The following CNTNAP2 variants were observed in gnomAD, a reference collection of about 807,000 sequenced individuals.
CNTNAP2 encodes contactin-associated protein-like 2.
A neutral mutation model predicts 155.2 loss-of-function variants in CNTNAP2; 98 were observed. The ratio of observed to expected loss-of-function variants is 0.63; its 90% confidence interval spans 0.54 to 0.75. CNTNAP2 has a LOEUF of 0.75. Ranked by LOEUF, CNTNAP2 falls within the 30% of genes least tolerant of loss-of-function variation. The probability of loss-of-function intolerance (pLI) is 0.00; values close to 1 mark genes in which losing one functional copy is unlikely to be tolerated. For synonymous variants in CNTNAP2, 651 were observed against 631.2 expected, an observed-to-expected ratio of 1.03 and a Z score of -0.47; for missense variants, 1,727 against 1,688.1, an observed-to-expected ratio of 1.02 and a Z score of -0.40.
At chr7:148,144,519 A>T (rs1859538) in intron 16 of CNTNAP2, among the ~76,000 whole-genome samples, 1 of 152,112 alleles carries the variant, frequency 6.6e-6, no homozygotes, top group African/African-American at 2.4e-5. Flanking sequence ...TTCTGCCAGC[A>T]TCATCAGACT....
intron 13 of CNTNAP2, among the ~76,000 whole-genome samples, chr7:147,807,184 A>G (rs1475267409): frequency 6.6e-6 from 1 of 151,842 alleles, no homozygotes; most frequent in African/African-American, 2.4e-5. Context: ...TTAGCTTGGC[A>G]TGAGGGTGTA....
intron 8 of CNTNAP2, among the ~76,000 whole-genome samples, chr7:147,295,918 T>G (rs1805433703): frequency 1.3e-5 from 2 of 152,182 alleles, no homozygotes; most frequent in African/African-American, 4.8e-5. Context: ...GGTTCTAATT[T>G]CTCTAGTAAT....
In CNTNAP2 at chr7:147,442,499, T is replaced by A. The variant is rs142740346; in HGVS notation, c.1671-43436T>A. Reference sequence around the variant, plus strand: ...TCCAAGAGCCCATTTTGTGCCCTACTCTCCTGTGGCTGAGCTGGTACCTAA... The same window carrying A: ...TCCAAGAGCCCATTTTGTGCCCTACACTCCTGTGGCTGAGCTGGTACCTAA... On this transcript the variant is annotated intron_variant, in intron 10 of 23. Transcript: ENST00000361727. Among the ~76,000 whole-genome samples, 914 of 152,252 alleles carry A rather than the reference T, an allele frequency of 6.0e-3. 5 individuals carry two copies. The highest frequency in any genetic ancestry group is 0.01 in the Middle Eastern group (3 of 294).
intron 3 of CNTNAP2, among the ~76,000 whole-genome samples, chr7:146,848,632 G>T (rs1415801539): frequency 1.3e-5 from 2 of 152,158 alleles, no homozygotes; most frequent in Admixed American, 1.3e-4. Flanking sequence ...TAGGTAAGGA[G>T]TTGGTCACTC....
intron 13 of CNTNAP2, among the ~76,000 whole-genome samples, chr7:147,856,390 T>C (rs987726997): frequency 6.6e-6 from 1 of 152,202 alleles, no homozygotes; most frequent in African/African-American, 2.4e-5. Context: ...CCTTCTCATA[T>C]CATAACTCAC....
intron 9 of CNTNAP2, among the ~76,000 whole-genome samples, chr7:147,327,166 G>T (rs1189261735): frequency 6.6e-6 from 1 of 152,192 alleles, no homozygotes; most frequent in Non-Finnish European, 1.5e-5. Context: ...GCCCACAACA[G>T]AAATATTCAT....
At chr7:146,432,248 CTTAA>C (rs1164605520) in intron 1 of CNTNAP2, among the ~76,000 whole-genome samples, 2 of 151,918 alleles carry the variant, frequency 1.3e-5, no homozygotes, top group Non-Finnish European at 2.9e-5. Flanking sequence ...TTAAATAATT[CTTAA>C]TTAAAGAGGA....
chr7:147,238,056 C>T (rs1239522661), intron 8 of CNTNAP2, among the ~76,000 whole-genome samples: 4 of 152,158 alleles, frequency 2.6e-5, no homozygotes, highest in Non-Finnish European at 5.9e-5. Context: ...GCTCTGTCGC[C>T]CAGGCTGGAG....
chr7:147,739,429 A>T (rs1796918777), intron 13 of CNTNAP2, among the ~76,000 whole-genome samples: 1 of 152,178 alleles, frequency 6.6e-6, no homozygotes, highest in African/African-American at 2.4e-5. Context: ...GTAGAAAAAT[A>T]AGATATAAGC....
chr7:147,365,324 G>A (rs930662605), intron 9 of CNTNAP2, among the ~76,000 whole-genome samples: 8 of 138,384 alleles, frequency 5.8e-5, no homozygotes, highest in African/African-American at 2.2e-4. Flanking sequence ...GCAGTGAGAC[G>A]AGACCAGGCC....
chr7:147,849,116 C>T (rs746763607), intron 13 of CNTNAP2, among the ~76,000 whole-genome samples: 3 of 152,154 alleles, frequency 2.0e-5, no homozygotes, highest in Admixed American at 6.5e-5. Flanking sequence ...GGAAAAATGG[C>T]ATAAAACAGC....
intron 3 of CNTNAP2, among the ~76,000 whole-genome samples, chr7:146,880,903 A>G (rs1448271424): frequency 6.6e-6 from 1 of 152,134 alleles, no homozygotes; most frequent in Non-Finnish European, 1.5e-5. Flanking sequence ...GTCTTCAGAG[A>G]TGTGTTTGCA....
intron 13 of CNTNAP2, among the ~76,000 whole-genome samples, chr7:147,809,372 GC>G (rs1408654651): frequency 6.6e-6 from 1 of 152,156 alleles, no homozygotes; most frequent in Non-Finnish European, 1.5e-5. Context: ...GGGCACTAGT[GC>G]TAATCCTCAC....
At chr7:146,964,453 C>T (rs376265857) in intron 3 of CNTNAP2, among the ~76,000 whole-genome samples, 1 of 152,162 alleles carries the variant, frequency 6.6e-6, no homozygotes, top group African/African-American at 2.4e-5. Flanking sequence ...CTGTGTTCAG[C>T]TCCTTAACAC....
At chr7:148,119,432 T>C (rs1804553368) in intron 16 of CNTNAP2, among the ~76,000 whole-genome samples, 1 of 151,626 alleles carries the variant, frequency 6.6e-6, no homozygotes, top group Admixed American at 6.6e-5. Flanking sequence ...CTTGGGAGGC[T>C]GAGGCAGGAG....
chr7:148,245,135 G>A (rs1359167476), intron 20 of CNTNAP2, among the ~76,000 whole-genome samples: 1 of 152,134 alleles, frequency 6.6e-6, no homozygotes, highest in Non-Finnish European at 1.5e-5. Flanking sequence ...GTTGTCTTGT[G>A]CATTTCCTGT....
At chr7:147,448,052 A>G (rs931094459) in intron 10 of CNTNAP2, among the ~76,000 whole-genome samples, 1 of 152,122 alleles carries the variant, frequency 6.6e-6, no homozygotes, top group Admixed American at 6.5e-5. Flanking sequence ...TTATAATACA[A>G]TGGATTTCAA....
At chr7:146,823,685 T>G (rs1241990649) in intron 2 of CNTNAP2, among the ~76,000 whole-genome samples, 1 of 151,996 alleles carries the variant, frequency 6.6e-6, no homozygotes, top group Non-Finnish European at 1.5e-5. Flanking sequence ...TTCTTCAGTA[T>G]ATTTAAATAT....
intron 8 of CNTNAP2, among the ~76,000 whole-genome samples, chr7:147,269,762 A>G (rs946912434): frequency 1.3e-5 from 2 of 152,158 alleles, no homozygotes; most frequent in African/African-American, 4.8e-5. Flanking sequence ...TGGAGTTAAG[A>G]GACAAGACTA....
Sources: gnomAD v4.1 joint callset for allele counts (sites outside exome capture counted in the v4.1 genomes callset) on GRCh38, gnomAD v4.1.1 for gene constraint, MANE v1.5 for transcripts, NCBI Gene and HGNC (gene_info 2026-07-23, HGNC 2026-07-21) for gene names.